The following HFE variants were observed in gnomAD, a reference collection of about 807,000 sequenced individuals.
The protein encoded by HFE is homeostatic iron regulator.
A neutral mutation model predicts 40.9 loss-of-function variants in HFE; 36 were observed. The ratio of observed to expected loss-of-function variants is 0.88; its 90% confidence interval spans 0.67 to 1.16. The LOEUF (loss-of-function observed/expected upper bound fraction) is 1.16, where lower values mean the gene tolerates loss of function less well. Ranked by LOEUF, HFE falls within the 50% of genes most tolerant of loss-of-function variation. The pLI, the probability that HFE is intolerant of heterozygous loss-of-function variation, is 0.00. For synonymous variants in HFE, 157 were observed against 165.4 expected (o/e 0.95, Z 0.39); for missense variants, 376 against 432.0 (o/e 0.87, Z 1.15).
Position 26,090,830 on chromosome 6 carries a change from T to A in HFE, c.77-11T>A. The A allele has an allele frequency of 6.2e-7, 1 of 1,613,268 alleles. No homozygotes were observed. The highest frequency in any genetic ancestry group is 8.5e-7 in the Non-Finnish European group (1 of 1,179,974). Reference sequence around the variant, plus strand: ...ACTACACATGGTTAAGGCCTGTTGCTCTGTCTCCAGGTTCACACTCTCTGC... The same window carrying A: ...ACTACACATGGTTAAGGCCTGTTGCACTGTCTCCAGGTTCACACTCTCTGC... On this transcript the variant is annotated splice_polypyrimidine_tract_variant and intron_variant, in intron 1 of 5. Coordinates refer to ENST00000357618, the MANE Select transcript of HFE (RefSeq NM_000410.4).
rs1288519129 is a variant in HFE at position 26,094,490 on chromosome 6, G to A, written c.*264G>A. On this transcript the variant is annotated 3_prime_UTR_variant, in exon 6 of 6. Coordinates refer to ENST00000357618, the MANE Select transcript of HFE (RefSeq NM_000410.4). ...CATGAACCTCAAGCTGCATCTAGAG[G>A]CTTCCTTCATTTCCTCCGTCACCTC... 4 of 702,742 alleles carry A rather than the reference G, an allele frequency of 5.7e-6. No individual in the cohort carries two copies. Among genetic ancestry groups the A allele is most frequent in the Non-Finnish European group, 5.2e-6 (2 of 384,948 alleles). The allele number at this position is 702,742 out of a possible 1,614,324, so 43.5% of individuals were successfully genotyped here.
At chr6:26,087,820 C>T (rs1412173026) in intron 1 of HFE, among the ~76,000 whole-genome samples, 3 of 152,220 alleles carry the variant, frequency 2.0e-5, no homozygotes, top group African/African-American at 4.8e-5. Context: ...CTCGTAGTTC[C>T]TCACTTGAGC....
In HFE at chr6:26,092,735, C is replaced by G. The variant is rs758324886; in HGVS notation, c.667C>G (p.Leu223Val). The change falls in exon 4 of 6, where the codon CTA (leucine) becomes GTA (valine). Residue 223 changes from leucine to valine, a missense_variant. By Grantham distance (32) the Leu-to-Val change is conservative. Transcript: ENST00000357618. ...TCATGTGACCTCTTCAGTGACCACT[C>G]TACGGTGTCGGGCCTTGAACTACTA... ...THHVTSSVTTLRCRALNYYPQ... is the reference protein window; with the variant it reads ...THHVTSSVTTVRCRALNYYPQ... The G allele has an allele frequency of 1.2e-6, 2 of 1,614,228 alleles. No individual in the cohort carries two copies. The highest frequency in any genetic ancestry group is 1.1e-5 in the South Asian group (1 of 91,090).
chr6:26,091,480 G>A lies in HFE; in HGVS notation c.507G>A (p.Trp169Ter). 1 of 1,614,180 alleles carries A rather than the reference G, an allele frequency of 6.2e-7. No individual in the cohort carries two copies. Among genetic ancestry groups the A allele is most frequent in the Non-Finnish European group, 8.5e-7 (1 of 1,180,020 alleles). ...GGGCCTGGCCCACCAAGCTGGAGTG[G>A]GAAAGGCACAAGATTCGGGCCAGGC... ...EPRAWPTKLEWERHKIRARQN... is the reference protein window; with the variant it reads ...EPRAWPTKLE Residue 169 changes from tryptophan to a stop codon, truncating the protein, a stop_gained, in exon 3 of 6, where the codon TGG (tryptophan) becomes TGA (stop). Transcript: ENST00000357618. LOFTEE classifies it high-confidence loss of function.
chr6:26,091,145 G>C (rs1349608493), intron 2 of HFE, 41 bp downstream of exon 2: 1 of 1,613,208 alleles, frequency 6.2e-7, no homozygotes, highest in South Asian at 1.1e-5. Flanking sequence ...GGTTGTCAGA[G>C]CTTTTCATCT....
intron 1 of HFE, among the ~76,000 whole-genome samples, chr6:26,089,025 C>T (rs1453745874): frequency 2.0e-5 from 3 of 147,020 alleles, no homozygotes; most frequent in Non-Finnish European, 4.4e-5. Context: ...TGACTGGGAG[C>T]AGTATTTCCC....
At chr6:26,091,611 G>T (rs1004722357) in intron 3 of HFE, 22 bp downstream of exon 3, 2 of 1,611,266 alleles carry the variant, frequency 1.2e-6, no homozygotes, top group Non-Finnish European at 1.7e-6. Flanking sequence ...ACACACTTCT[G>T]CCCCTATACT....
Position 26,091,360 on chromosome 6 carries a change from C to A in HFE, c.387C>A (p.Asp129Glu), listed in dbSNP as rs1380661585. 3.7e-6 allele frequency: 6 copies of A among 1,614,016 alleles called. No homozygotes were observed. The African/African-American group carries it at 6.7e-5, about 18-fold the overall frequency. ...QVILGCEMQE[D>E]NSTEGYWKYG... is the part of the protein sequence containing the mutation. ...TCCTGGGCTGTGAAATGCAAGAAGA[C>A]AACAGTACCGAGGGCTACTGGAAGT... Residue 129 changes from aspartate (D) to glutamate (E), a missense_variant, in exon 3 of 6, where the codon GAC becomes GAA. Transcript: ENST00000357618.
rs1200925154 is a variant in HFE at position 26,095,559 on chromosome 6, T to G, written c.*1333T>G. The G allele has an allele frequency of 6.6e-6, 1 of 151,914 alleles. No individual in the cohort carries two copies. The highest frequency in any genetic ancestry group is 1.5e-5 in the Non-Finnish European group (1 of 67,932). The allele number at this position is 151,914 out of a possible 1,614,324, so 9.4% of individuals were successfully genotyped here. ...GAAGTATAGAGTATCTCATAGTTTG[T>G]CAGTGATAGAAACAGGTTTCAAACT... On this transcript the variant is annotated 3_prime_UTR_variant, in exon 6 of 6. Coordinates refer to ENST00000357618, the MANE Select transcript of HFE (RefSeq NM_000410.4).
chr6:26,096,801 A>G lies in HFE; in HGVS notation c.*2575A>G, dbSNP rs1763060075. ...TATTATTGTTGCATTAAAAATGCAT[A>G]TACTTTAATAAATGTATATTGTATT... On this transcript the variant is annotated 3_prime_UTR_variant, in exon 6 of 6. Coordinates refer to ENST00000357618, the MANE Select transcript of HFE (RefSeq NM_000410.4). The G allele has an allele frequency of 2.8e-6, 1 of 359,122 alleles. No individual in the cohort carries two copies. The highest frequency in any genetic ancestry group is 2.1e-5 in the African/African-American group (1 of 46,804). The allele number at this position is 359,122 out of a possible 1,614,324, so 22.2% of individuals were successfully genotyped here.
chr6:26,094,129 A>G (rs760503243), intron 5 of HFE, 57 bp from the exon 6 acceptor site: 16 of 1,521,748 alleles, frequency 1.1e-5, no homozygotes, highest in Middle Eastern at 2.0e-4. Flanking sequence ...AAGAGAGAAG[A>G]GGCAAGATGG....
rs893402338 is a variant in HFE at position 26,096,926 on chromosome 6, A to C, written c.*2700A>C. 1 of 212,744 alleles carries C rather than the reference A, an allele frequency of 4.7e-6. No individual in the cohort carries two copies. Among genetic ancestry groups the C allele is most frequent in the Non-Finnish European group, 9.5e-6 (1 of 104,766 alleles). 13.2% of individuals were successfully genotyped at this position (212,744 alleles called of 1,614,324 possible). The stretch of plus-strand genomic sequence containing the variant: ...TTTATTTTGCTTCTAATTTCTTTAC[A>C]TTTTGTCTTACGGAATATTTTCATT... On this transcript the variant is annotated 3_prime_UTR_variant, in exon 6 of 6. Transcript: ENST00000357618.
intron 1 of HFE, among the ~76,000 whole-genome samples, chr6:26,088,351 G>A (rs1276904697): frequency 6.6e-6 from 1 of 152,130 alleles, no homozygotes. Flanking sequence ...TTTTCACTAG[G>A]CATAGGGAGG....
Position 26,096,412 on chromosome 6 carries a change from G to A in HFE, c.*2186G>A, listed in dbSNP as rs769642307. The A allele has an allele frequency of 2.2e-6, 1 of 454,956 alleles. No homozygotes were observed. The highest frequency in any genetic ancestry group is 1.6e-5 in the South Asian group (1 of 64,488). The allele number at this position is 454,956 out of a possible 1,614,324, so 28.2% of individuals were successfully genotyped here. ...GCCTCCCAAAGTGCTGAGATTACAG[G>A]TGTGAGCCACCCTGCCCAGCCGTCA... On this transcript the variant is annotated 3_prime_UTR_variant, in exon 6 of 6. Coordinates refer to ENST00000357618, the MANE Select transcript of HFE (RefSeq NM_000410.4).
In HFE at chr6:26,094,359, T is replaced by A; in HGVS notation, c.*133T>A. 2 of 831,480 alleles carry A rather than the reference T, an allele frequency of 2.4e-6. No individual in the cohort carries two copies. The highest frequency in any genetic ancestry group is 4.0e-6 in the Non-Finnish European group (2 of 496,602). The allele number at this position is 831,480 out of a possible 1,614,324, so 51.5% of individuals were successfully genotyped here. A position where few individuals can be genotyped will look rare whatever the true frequency, so the allele number is the denominator to read the frequency against. On this transcript the variant is annotated 3_prime_UTR_variant, in exon 6 of 6. Coordinates refer to ENST00000357618, the MANE Select transcript of HFE (RefSeq NM_000410.4). ...GAAATTGCCTGACGAACTCCTTGAT[T>A]TTAGCCTTCTCTGTTCATTTCCTCA...
chr6:26,090,989 T>G lies in HFE; in HGVS notation c.225T>G (p.Val75=). The part of the protein sequence containing the change: ...SRRVEPRTPW[V]SSRISSQMWL... ...GTGTGGAGCCCCGAACTCCATGGGT[T>G]TCCAGTAGAATTTCAAGCCAGATGT... is the stretch of plus-strand genomic sequence containing the variant. The change falls in exon 2 of 6, where the codon GTT becomes GTG. Residue 75 remains valine (V), a synonymous_variant. Transcript: ENST00000357618. 6.2e-7 allele frequency: 1 copy of G among 1,614,182 alleles called. No individual in the cohort carries two copies. The highest frequency in any genetic ancestry group is 1.3e-5 in the African/African-American group (1 of 75,038).
rs766876606 is a variant in HFE at position 26,090,848 on chromosome 6, C to T, written c.84C>T (p.His28=). 15 of 1,613,744 alleles carry T rather than the reference C, an allele frequency of 9.3e-6. No individual in the cohort carries two copies. The highest frequency in any genetic ancestry group is 1.3e-5 in the African/African-American group (1 of 74,930). Residue 28 remains histidine, a synonymous_variant, in exon 2 of 6, where the codon CAC becomes CAT. Coordinates refer to ENST00000357618, the MANE Select transcript of HFE (RefSeq NM_000410.4). ...AVLQGRLLRS[H]SLHYLFMGAS... ...CTGTTGCTCTGTCTCCAGGTTCACA[C>T]TCTCTGCACTACCTCTTCATGGGTG...
Position 26,091,332 on chromosome 6 carries a change from T to G in HFE, c.359T>G (p.Val120Gly). 1 of 1,614,108 alleles carries G rather than the reference T, an allele frequency of 6.2e-7. No individual in the cohort carries two copies. The highest frequency in any genetic ancestry group is 8.5e-7 in the Non-Finnish European group (1 of 1,180,010). Reference sequence around the variant, plus strand: ...TTTCCAGAGTCCCACACCCTGCAGGTCATCCTGGGCTGTGAAATGCAAGAA... The same window carrying G: ...TTTCCAGAGTCCCACACCCTGCAGGGCATCCTGGGCTGTGAAATGCAAGAA... ...NHSKESHTLQ[V>G]ILGCEMQEDN... The change falls in exon 3 of 6, where the codon GTC becomes GGC. Residue 120 changes from valine (V) to glycine (G), a missense_variant. Transcript: ENST00000357618.
intron 5 of HFE, among the ~76,000 whole-genome samples, 190 bp downstream of exon 5, chr6:26,093,422 C>T (rs1156802159): frequency 6.6e-6 from 1 of 152,106 alleles, no homozygotes. Context: ...CAACAAACAT[C>T]TTCAGAGCAC....
Sources: gnomAD v4.1 joint callset for allele counts (sites outside exome capture counted in the v4.1 genomes callset) on GRCh38, gnomAD v4.1.1 for gene constraint, MANE v1.5 for transcripts, NCBI Gene and HGNC (gene_info 2026-07-23, HGNC 2026-07-21) for gene names.